THSD7A: variants seen among roughly 807,000 people sequenced by gnomAD.
THSD7A encodes thrombospondin type 1 domain containing 7A, also known as thrombospondin type-1 domain-containing protein 7A.
Under a neutral mutation model 231.3 loss-of-function variants are expected in THSD7A, and 96 were observed. The ratio of observed to expected loss-of-function variants is 0.41; its 90% confidence interval spans 0.35 to 0.49. The LOEUF (loss-of-function observed/expected upper bound fraction) is 0.49. THSD7A is among the 20% of genes least tolerant of loss of function. THSD7A has a pLI of 0.05. For missense variants in THSD7A, 2,290 were observed against 2,070.2 expected (o/e 1.11, Z -2.06); for synonymous variants, 940 against 743.3 (o/e 1.26, Z -4.30).
At chr7:11,440,338 C>A (rs1044176858) in intron 13 of THSD7A, among the ~76,000 whole-genome samples, 2 of 152,072 alleles carry the variant, frequency 1.3e-5, no homozygotes, top group African/African-American at 4.8e-5. Flanking sequence ...TGCCTGCTAA[C>A]ACAATATCTA....
At chr7:11,453,017 T>G (rs1232842389) in intron 11 of THSD7A, among the ~76,000 whole-genome samples, 1 of 151,950 alleles carries the variant, frequency 6.6e-6, no homozygotes, top group African/African-American at 2.4e-5. Flanking sequence ...TTTCCACTTC[T>G]TTTTCTTTCT....
At chr7:11,380,897 A>T (rs1279344509) in intron 24 of THSD7A, among the ~76,000 whole-genome samples, 1 of 152,228 alleles carries the variant, frequency 6.6e-6, no homozygotes, top group Non-Finnish European at 1.5e-5. Context: ...ATGATTTTAT[A>T]GGTAAGTCTT....
chr7:11,429,258 T>C, intron 13 of THSD7A, 133 bp from the exon 14 acceptor site: 1 of 772,566 alleles, frequency 1.3e-6, no homozygotes, highest in Admixed American at 3.6e-5. Flanking sequence ...GTGTCTCTGT[T>C]GTAAGGGACT....
chr7:11,630,844 G>T (rs567566050), intron 2 of THSD7A, among the ~76,000 whole-genome samples: 1 of 152,152 alleles, frequency 6.6e-6, no homozygotes, highest in Non-Finnish European at 1.5e-5. Context: ...CGCAGATTTG[G>T]TTCTTCATTT....
chr7:11,629,274 A>G (rs548130882), intron 2 of THSD7A, among the ~76,000 whole-genome samples: 1 of 152,260 alleles, frequency 6.6e-6, no homozygotes, highest in East Asian at 1.9e-4. Context: ...CAAACATAAT[A>G]TACTGCCTGG....
chr7:11,633,668 C>T (rs567468362), intron 2 of THSD7A, among the ~76,000 whole-genome samples: 5 of 152,256 alleles, frequency 3.3e-5, no homozygotes, highest in East Asian at 1.9e-4. Flanking sequence ...GGACTGTAAC[C>T]GTTTCCTGCT....
At chr7:11,410,885 C>A (rs1252786390) in intron 19 of THSD7A, among the ~76,000 whole-genome samples, 1 of 152,050 alleles carries the variant, frequency 6.6e-6, no homozygotes, top group Non-Finnish European at 1.5e-5. Flanking sequence ...ACAAAATTCA[C>A]ATCACATTAC....
chr7:11,558,553 T>C (rs1024528492), intron 4 of THSD7A, among the ~76,000 whole-genome samples: 10 of 152,024 alleles, frequency 6.6e-5, no homozygotes, highest in Non-Finnish European at 1.2e-4. Context: ...TCTTTAATTA[T>C]TAGGGGCAAA....
intron 16 of THSD7A, among the ~76,000 whole-genome samples, chr7:11,421,748 T>C (rs1202090560): frequency 1.3e-5 from 2 of 152,204 alleles, no homozygotes; most frequent in African/African-American, 4.8e-5. Context: ...AAATCTACAA[T>C]ATATTATGAA....
At chr7:11,394,577 C>T (rs545120808) in intron 23 of THSD7A, among the ~76,000 whole-genome samples, 35 of 152,208 alleles carry the variant, frequency 2.3e-4, no homozygotes, top group Middle Eastern at 3.4e-3. Flanking sequence ...CTTAAACAGG[C>T]TTGTTTACTT....
At chr7:11,418,533 A>T (rs879264913) in intron 16 of THSD7A, among the ~76,000 whole-genome samples, 2 of 152,216 alleles carry the variant, frequency 1.3e-5, no homozygotes, top group African/African-American at 2.4e-5. Flanking sequence ...TCAGGAGTTG[A>T]AAAGGAAGGC....
Position 11,406,338 on chromosome 7 carries a change from T to A in THSD7A, c.4199A>T (p.Asn1400Ile). The A allele has an allele frequency of 6.2e-7, 1 of 1,613,340 alleles. No homozygotes were observed. The highest frequency in any genetic ancestry group is 8.5e-7 in the Non-Finnish European group (1 of 1,179,642). ...GCTGCAGGATTCCTCCAGAACCATA[T>A]TTTTATTACCATCTATAATGAGTTC... is the stretch of plus-strand genomic sequence containing the variant. Reference protein sequence around the residue: ...DIELIIDGNKNMVLEESCSQP... With the variant: ...DIELIIDGNKIMVLEESCSQP... The change falls in exon 22 of 28, where the codon AAT becomes ATT. Residue 1400 changes from asparagine (N) to isoleucine (I), a missense_variant. Asn to Ile is a moderately radical substitution (Grantham distance 149). Coordinates refer to ENST00000423059, the MANE Select transcript of THSD7A (RefSeq NM_015204.3). This position sits in a 1 kb window ranked among gnomAD's most constrained non-coding sequence, Gnocchi z 4.7.
chr7:11,695,455 C>T (rs188992376), intron 1 of THSD7A, among the ~76,000 whole-genome samples: 13 of 151,550 alleles, frequency 8.6e-5, no homozygotes, highest in African/African-American at 3.1e-4. Context: ...GAAAGAAAAA[C>T]AAGCAAATAT....
chr7:11,480,817 G>A (rs1786393210), intron 7 of THSD7A, among the ~76,000 whole-genome samples: 1 of 151,974 alleles, frequency 6.6e-6, no homozygotes. Flanking sequence ...CAGAAAAATA[G>A]AAAAAGTATA....
intron 17 of THSD7A, 115 bp from the exon 18 acceptor site, chr7:11,412,915 A>AAAGTC (rs1418657314): frequency 1.7e-6 from 2 of 1,166,100 alleles, no homozygotes; most frequent in Non-Finnish European, 2.4e-6. Context: ...CTAACTCAGA[A>AAAGTC]AAGTCAGTCA....
chr7:11,762,913 C>T (rs1256120079), intron 1 of THSD7A, among the ~76,000 whole-genome samples: 3 of 152,132 alleles, frequency 2.0e-5, no homozygotes. Context: ...CAGTTACTTT[C>T]ACGTTACCTA....
At chr7:11,551,276 G>C (rs1048435162) in intron 4 of THSD7A, among the ~76,000 whole-genome samples, 1 of 152,046 alleles carries the variant, frequency 6.6e-6, no homozygotes, top group Non-Finnish European at 1.5e-5. Context: ...TCTGGACATA[G>C]GCCCCAGCAA....
chr7:11,663,004 T>A (rs1019676855), intron 1 of THSD7A, among the ~76,000 whole-genome samples: 1 of 150,722 alleles, frequency 6.6e-6, no homozygotes, highest in Admixed American at 6.6e-5. Flanking sequence ...TATAAAGAAA[T>A]TAGAAGAGAA....
chr7:11,422,435 A>G (rs1229692846), intron 16 of THSD7A, among the ~76,000 whole-genome samples: 2 of 152,148 alleles, frequency 1.3e-5, no homozygotes, highest in Non-Finnish European at 2.9e-5. Context: ...GTACTACTCA[A>G]TCAGTAACAA....
Sources: allele counts gnomAD v4.1 joint callset (sites outside exome capture counted in the v4.1 genomes callset), GRCh38; gene constraint gnomAD v4.1.1; non-coding constraint Gnocchi (gnomAD v3.1); transcripts MANE v1.5; gene names NCBI Gene and HGNC (gene_info 2026-07-23, HGNC 2026-07-21).